Variants in PSD3 observed in about 807,000 individuals in gnomAD.
PSD3 encodes the protein PH and SEC7 domain-containing protein 3.
In PSD3, 49 loss-of-function variants were observed where a neutral mutation model predicts 105.5. The observed-to-expected ratio is 0.46, with a 90% CI of 0.37 to 0.59. PSD3 has a LOEUF of 0.59. Among genes scored for constraint, PSD3 ranks in the 20% least tolerant of loss-of-function variants. PSD3 has a pLI of 0.00. For missense variants in PSD3, 1,561 were observed against 1,263.8 expected, an observed-to-expected ratio of 1.24 and a Z score of -3.57; for synonymous variants, 557 against 457.8, an observed-to-expected ratio of 1.22 and a Z score of -2.77.
chr8:18,672,535 A>T (rs1053582082), intron 9 of PSD3, among the ~76,000 whole-genome samples: 2 of 152,266 alleles, frequency 1.3e-5, no homozygotes, highest in African/African-American at 4.8e-5. Flanking sequence ...CAAATTTCAT[A>T]AACAGGAAAA....
At chr8:18,828,067 A>ATATATATATATTTT (rs371473289) in intron 4 of PSD3, among the ~76,000 whole-genome samples, 1 of 118,896 alleles carries the variant, frequency 8.4e-6, no homozygotes, top group African/African-American at 3.5e-5. Context: ...ATATATATAT[A>ATATATATATATTTT]TTTTTTTTTT....
At chr8:18,695,057 C>A (rs757439809) in intron 9 of PSD3, among the ~76,000 whole-genome samples, 3 of 152,126 alleles carry the variant, frequency 2.0e-5, no homozygotes, top group Non-Finnish European at 4.4e-5. Flanking sequence ...CCCAAATTCT[C>A]TAGGGGTAAA....
chr8:18,831,586 G>A (rs1252592057), intron 4 of PSD3, among the ~76,000 whole-genome samples: 4 of 152,164 alleles, frequency 2.6e-5, no homozygotes, highest in Non-Finnish European at 5.9e-5. Flanking sequence ...GCCAGGAGTG[G>A]TGGCGGGCGC....
At chr8:18,744,505 T>C (rs996223783) in intron 9 of PSD3, among the ~76,000 whole-genome samples, 2 of 152,220 alleles carry the variant, frequency 1.3e-5, no homozygotes, top group Admixed American at 1.3e-4. Context: ...ATTTGTATTA[T>C]TCTCAATTTT....
intron 1 of PSD3, among the ~76,000 whole-genome samples, chr8:18,954,333 T>C (rs760367587): frequency 2.6e-5 from 4 of 152,140 alleles, no homozygotes; most frequent in Non-Finnish European, 5.9e-5. Context: ...TAAATTTCTA[T>C]GAGAATGTAC....
At chr8:19,047,356 T>C (rs1348136466) in intron 1 of PSD3, among the ~76,000 whole-genome samples, 1 of 152,166 alleles carries the variant, frequency 6.6e-6, no homozygotes, top group African/African-American at 2.4e-5. Context: ...TTCAGAATCC[T>C]TGCCTTGGAG....
At chr8:18,657,562 T>G (rs1808993317) in intron 9 of PSD3, among the ~76,000 whole-genome samples, 1 of 152,188 alleles carries the variant, frequency 6.6e-6, no homozygotes, top group Admixed American at 6.5e-5. Flanking sequence ...TGCTATAAAT[T>G]GCATATTTGT....
At chr8:18,928,009 AG>A (rs1200240356) in intron 2 of PSD3, among the ~76,000 whole-genome samples, 5 of 152,220 alleles carry the variant, frequency 3.3e-5, no homozygotes, top group African/African-American at 1.2e-4. Context: ...TATACCCAAA[AG>A]AAATGAAAAC....
intron 8 of PSD3, among the ~76,000 whole-genome samples, chr8:18,779,025 C>T (rs550397944): frequency 6.6e-6 from 1 of 152,036 alleles, no homozygotes; most frequent in South Asian, 2.1e-4. Context: ...TTGAGGAGAA[C>T]TGATGTTAGA....
chr8:18,915,741 A>C (rs571228747), intron 2 of PSD3, among the ~76,000 whole-genome samples: 1 of 152,194 alleles, frequency 6.6e-6, no homozygotes, highest in Non-Finnish European at 1.5e-5. Flanking sequence ...TGCTGGAGCC[A>C]TGTGGGAAGA....
intron 9 of PSD3, among the ~76,000 whole-genome samples, chr8:18,674,964 G>A (rs983662446): frequency 2.0e-5 from 3 of 151,928 alleles, no homozygotes; most frequent in African/African-American, 7.3e-5. Context: ...TCTTACTACT[G>A]CACTCCAGCT....
intron 8 of PSD3, among the ~76,000 whole-genome samples, chr8:18,769,450 G>C (rs895854138): frequency 6.6e-6 from 1 of 152,034 alleles, no homozygotes; most frequent in Admixed American, 6.6e-5. Context: ...CATGATGATA[G>C]CATCAACTAC....
intron 9 of PSD3, among the ~76,000 whole-genome samples, chr8:18,677,076 T>C (rs1028643795): frequency 2.6e-5 from 4 of 152,226 alleles, no homozygotes; most frequent in East Asian, 1.9e-4. Context: ...ATCAGGAGCA[T>C]AGTGTGCTCA....
At chr8:18,825,831 A>C (rs1389923066) in intron 4 of PSD3, among the ~76,000 whole-genome samples, 1 of 152,176 alleles carries the variant, frequency 6.6e-6, no homozygotes, top group East Asian at 1.9e-4. Flanking sequence ...CAGTCTCTTC[A>C]TTTGATCAGA....
intron 12 of PSD3, among the ~76,000 whole-genome samples, chr8:18,594,660 G>A (rs1187238611): frequency 2.6e-5 from 4 of 151,044 alleles, no homozygotes; most frequent in Non-Finnish European, 5.9e-5. Context: ...TGGGAGATTT[G>A]TTCTAGGACC....
At chr8:18,579,481 C>T (rs748744459) in intron 12 of PSD3, among the ~76,000 whole-genome samples, 8 of 152,148 alleles carry the variant, frequency 5.3e-5, no homozygotes, top group African/African-American at 1.2e-4. Flanking sequence ...GTTACTCTCT[C>T]GTGTTCCCTG....
At chr8:18,651,235 A>C (rs1808453179) in intron 10 of PSD3, among the ~76,000 whole-genome samples, 1 of 152,198 alleles carries the variant, frequency 6.6e-6, no homozygotes, top group Admixed American at 6.5e-5. Context: ...CCTGTAACCC[A>C]AGGTTACACT....
At chr8:18,587,819 T>C (rs893729832) in intron 12 of PSD3, among the ~76,000 whole-genome samples, 4 of 152,194 alleles carry the variant, frequency 2.6e-5, no homozygotes, top group African/African-American at 9.7e-5. Flanking sequence ...TTTTGCACAG[T>C]ACCTGATGTG....
intron 1 of PSD3, among the ~76,000 whole-genome samples, chr8:18,942,149 G>C (rs1360730371): frequency 6.6e-6 from 1 of 152,096 alleles, no homozygotes; most frequent in Non-Finnish European, 1.5e-5. Flanking sequence ...TGAGAAAGGT[G>C]GCATGCTCCT....
Sources: gnomAD v4.1 joint callset for allele counts (sites outside exome capture counted in the v4.1 genomes callset) on GRCh38, gnomAD v4.1.1 for gene constraint, MANE v1.5 for transcripts, NCBI Gene and HGNC (gene_info 2026-07-23, HGNC 2026-07-21) for gene names.